The following RAB38 variants were observed in gnomAD, a reference collection of about 807,000 sequenced individuals.
The protein encoded by RAB38 is RAB38, member RAS oncogene family, also known as ras-related protein Rab-38.
Under a neutral mutation model 18.4 loss-of-function variants are expected in RAB38, and 15 were observed. That is an observed-to-expected ratio of 0.82 (90% confidence interval 0.55 to 1.26). RAB38 has a LOEUF of 1.26. Ranked by LOEUF, RAB38 falls within the 50% of genes most tolerant of loss-of-function variation. RAB38 has a pLI of 0.00. For synonymous variants in RAB38, 101 were observed against 104.4 expected (o/e 0.97, Z 0.20); for missense variants, 294 against 267.4 (o/e 1.10, Z -0.69).
chr11:87,865,185 C>T, the RAB38 span, among the ~76,000 whole-genome samples: 6 of 151,372 alleles, frequency 4.0e-5, no homozygotes, highest in African/African-American at 9.7e-5. Context: ...TAACATCCCC[C>T]GAAGATGTCC....
the RAB38 span, among the ~76,000 whole-genome samples, chr11:88,053,257 AAT>A: frequency 7.6e-6 from 1 of 130,734 alleles, no homozygotes; most frequent in South Asian, 2.3e-4. Context: ...ATATATATGG[AAT>A]ATATATATAC....
the RAB38 span, among the ~76,000 whole-genome samples, chr11:87,977,656 T>C: frequency 4.2e-5 from 5 of 117,888 alleles, no homozygotes; most frequent in African/African-American, 1.7e-4. Flanking sequence ...AATTATACAG[T>C]ATATAACTAT....
At chr11:87,945,202 G>C in the RAB38 span, among the ~76,000 whole-genome samples, 2 of 152,100 alleles carry the variant, frequency 1.3e-5, no homozygotes, top group African/African-American at 4.8e-5. Context: ...ATTTTGTATT[G>C]TATCTGATTA....
At chr11:87,869,610 C>T in the RAB38 span, among the ~76,000 whole-genome samples, 2 of 151,602 alleles carry the variant, frequency 1.3e-5, no homozygotes, top group African/African-American at 4.8e-5. Context: ...CTGTAGTCCT[C>T]GTTTTTACTA....
chr11:87,872,826 A>G, the RAB38 span, among the ~76,000 whole-genome samples: 1 of 151,600 alleles, frequency 6.6e-6, no homozygotes, highest in Non-Finnish European at 1.5e-5. Flanking sequence ...CTGTTGCATG[A>G]ATGTGTCCCA....
At chr11:88,015,194 A>G in the RAB38 span, among the ~76,000 whole-genome samples, 29 of 152,220 alleles carry the variant, frequency 1.9e-4, no homozygotes, top group African/African-American at 6.7e-4. Context: ...CTACTCATCT[A>G]TCTAACCAGC....
At chr11:88,070,161 A>G in the RAB38 span, among the ~76,000 whole-genome samples, 1 of 152,116 alleles carries the variant, frequency 6.6e-6, no homozygotes, top group African/African-American at 2.4e-5. Context: ...AACACTCACC[A>G]CGAAGGTCTG....
At chr11:88,026,330 G>T in the RAB38 span, among the ~76,000 whole-genome samples, 1 of 151,928 alleles carries the variant, frequency 6.6e-6, no homozygotes, top group South Asian at 2.1e-4. Context: ...TTGAGAGGCC[G>T]AAGCTGGCGG....
At chr11:87,840,050 G>A in the RAB38 span, among the ~76,000 whole-genome samples, 253 of 152,214 alleles carry the variant, frequency 1.7e-3, no homozygotes, top group Non-Finnish European at 3.1e-3. Flanking sequence ...TGGGCCTTAG[G>A]CAACAGGAAA....
chr11:88,162,916 T>C (rs1365608), intron 1 of RAB38, among the ~76,000 whole-genome samples: 37,421 of 151,956 alleles, frequency 0.25, 4,653 homozygotes, highest in Admixed American at 0.27. Context: ...CTGAAAGACG[T>C]CCTCTCCATC....
the RAB38 span, among the ~76,000 whole-genome samples, chr11:88,041,551 G>C: frequency 6.6e-6 from 1 of 152,132 alleles, no homozygotes; most frequent in Non-Finnish European, 1.5e-5. Flanking sequence ...TCAATGTCTA[G>C]AGTTTGGCAT....
At chr11:87,974,420 G>T in the RAB38 span, among the ~76,000 whole-genome samples, 151,956 of 151,956 alleles carry the variant, frequency 1, 75,978 homozygotes, top group Non-Finnish European at 1. Flanking sequence ...GATCATGAAT[G>T]GGAAGTATCC....
At chr11:88,089,808 C>T in the RAB38 span, among the ~76,000 whole-genome samples, 7 of 151,926 alleles carry the variant, frequency 4.6e-5, no homozygotes, top group South Asian at 2.1e-4. Context: ...CATCAGCTAC[C>T]GCCCGCAATG....
At chr11:87,854,309 T>C in the RAB38 span, among the ~76,000 whole-genome samples, 2 of 152,204 alleles carry the variant, frequency 1.3e-5, no homozygotes, top group Non-Finnish European at 2.9e-5. Flanking sequence ...AGAAATGTGG[T>C]ATTCTATTAA....
At chr11:88,115,769 C>G (rs1264011468) in intron 2 of RAB38, 2 of 152,156 alleles carry the variant, frequency 1.3e-5, no homozygotes, top group African/African-American at 4.8e-5. Flanking sequence ...ATTTGCTTCC[C>G]TTGACAGAGT....
the RAB38 span, among the ~76,000 whole-genome samples, chr11:87,805,783 A>G: frequency 6.6e-6 from 1 of 152,122 alleles, no homozygotes; most frequent in South Asian, 2.1e-4. Flanking sequence ...ATACAGATAT[A>G]CACATGCAGG....
chr11:87,927,480 G>A, the RAB38 span, among the ~76,000 whole-genome samples: 1 of 151,780 alleles, frequency 6.6e-6, no homozygotes, highest in Non-Finnish European at 1.5e-5. Flanking sequence ...CTTCTCCTTT[G>A]TTAAATTGCC....
the RAB38 span, among the ~76,000 whole-genome samples, chr11:87,932,844 T>G: frequency 1.3e-5 from 2 of 152,086 alleles, no homozygotes; most frequent in Non-Finnish European, 2.9e-5. Context: ...ATCTTCTAAA[T>G]TGGGCATTCC....
chr11:87,932,781 T>C, the RAB38 span, among the ~76,000 whole-genome samples: 3 of 152,112 alleles, frequency 2.0e-5, no homozygotes, highest in African/African-American at 7.2e-5. Context: ...ACTCATCTAC[T>C]CATACCTTAA....
Sources: gnomAD v4.1 joint callset for allele counts (sites outside exome capture counted in the v4.1 genomes callset) on GRCh38, gnomAD v4.1.1 for gene constraint, MANE v1.5 for transcripts, NCBI Gene and HGNC (gene_info 2026-07-23, HGNC 2026-07-21) for gene names.